Variants in PLA2G4C observed in about 807,000 individuals in gnomAD.
PLA2G4C encodes the protein phospholipase A2 group IVC.
Under a neutral mutation model 73.8 loss-of-function variants are expected in PLA2G4C, and 64 were observed. The ratio of observed to expected loss-of-function variants is 0.87; its 90% CI spans 0.71 to 1.07. PLA2G4C has a LOEUF of 1.07. Ranked by LOEUF, PLA2G4C falls within the 50% of genes least tolerant of loss-of-function variation. The pLI is 0.00. For synonymous variants in PLA2G4C, 254 were observed against 252.1 expected, an observed-to-expected ratio of 1.01 and a Z score of -0.07; for missense variants, 622 against 665.4, an observed-to-expected ratio of 0.93 and a Z score of 0.72.
chr19:48,086,290 G>A (rs2030972545), intron 9 of PLA2G4C, among the ~76,000 whole-genome samples: 1 of 152,110 alleles, frequency 6.6e-6, no homozygotes. Flanking sequence ...GGGTGGGAGG[G>A]GATCTGCCTC....
At position 48,080,138 on chromosome 19, in the gene PLA2G4C, G is replaced by A. The variant is rs555988896; in HGVS notation, c.845-2314C>T. The stretch of plus-strand genomic sequence containing the variant: ...AACTCAAAGAAATCAGCAAGAAAAC[G>A]AATAATCCCACCGAAAAGCATCCCA... On this transcript the variant is annotated intron_variant, in intron 10 of 16. Transcript: ENST00000599921. Among the ~76,000 whole-genome samples the A allele has an allele frequency of 7.6e-5, 10 of 131,556 alleles. No individual in the cohort carries two copies. The South Asian group carries it at 1.3e-3, about 17-fold the overall frequency. 86.3% of individuals were successfully genotyped at this position (131,556 alleles called of 152,430 possible).
chr19:48,061,888 C>T, intron 14 of PLA2G4C, 110 bp downstream of exon 14: 2 of 1,096,036 alleles, frequency 1.8e-6, no homozygotes, highest in Non-Finnish European at 2.7e-6. Context: ...TCCCAGCCAG[C>T]ACCTCCCCAT....
At chr19:48,063,610 C>A (rs921830759) in intron 13 of PLA2G4C, among the ~76,000 whole-genome samples, 2 of 141,638 alleles carry the variant, frequency 1.4e-5, no homozygotes, top group African/African-American at 5.3e-5. Context: ...TCCTACCCCC[C>A]CACAACACCA....
chr19:48,092,644 TCAGA>T (rs2031372408), intron 7 of PLA2G4C, among the ~76,000 whole-genome samples: 2 of 152,178 alleles, frequency 1.3e-5, no homozygotes, highest in Admixed American at 6.5e-5. Flanking sequence ...CTCAGTGAAA[TCAGA>T]CAGACACAAA....
intron 13 of PLA2G4C, among the ~76,000 whole-genome samples, chr19:48,063,373 C>T (rs1968272242): frequency 6.6e-6 from 1 of 152,236 alleles, no homozygotes; most frequent in South Asian, 2.1e-4. Context: ...GCCTTTCCAA[C>T]TGGAGGCAAT....
intron 7 of PLA2G4C, among the ~76,000 whole-genome samples, chr19:48,094,980 G>C (rs1275156382): frequency 6.6e-6 from 1 of 152,094 alleles, no homozygotes; most frequent in African/African-American, 2.4e-5. Context: ...GAACTCCCAT[G>C]CTGAAGTGAT....
chr19:48,098,691 C>G (rs2031735071), intron 5 of PLA2G4C, among the ~76,000 whole-genome samples: 1 of 92,550 alleles, frequency 1.1e-5, no homozygotes. Context: ...CCACCCCGAG[C>G]AAAAAAGCGA....
chr19:48,062,310 A>T, intron 13 of PLA2G4C, 158 bp from the exon 14 acceptor site: 1 of 594,348 alleles, frequency 1.7e-6, no homozygotes, highest in Non-Finnish European at 2.8e-6. Context: ...CTCTTCCCAG[A>T]TTCATATGTT....
chr19:48,083,366 TTTG>T (rs202131524), intron 10 of PLA2G4C, among the ~76,000 whole-genome samples: 2,820 of 150,888 alleles, frequency 0.019, 94 homozygotes, highest in African/African-American at 0.064. Flanking sequence ...CACAGAGAAT[TTTG>T]TTGTTGTTGT....
intron 10 of PLA2G4C, among the ~76,000 whole-genome samples, chr19:48,079,130 AGTGCTGGGATTACAGAC>A (rs1306845455): frequency 6.6e-6 from 1 of 152,140 alleles, no homozygotes; most frequent in African/African-American, 2.4e-5. Context: ...GGCCTCCCAA[AGTGCTGGGATTACAGAC>A]GTGAGCTACC....
At chr19:48,102,725 C>A (rs531923481) in intron 4 of PLA2G4C, among the ~76,000 whole-genome samples, 3 of 152,172 alleles carry the variant, frequency 2.0e-5, no homozygotes, top group East Asian at 3.8e-4. Flanking sequence ...TTTCTCCCAT[C>A]GTGCTCTCAT....
At chr19:48,082,059 C>T (rs2030608892) in intron 10 of PLA2G4C, among the ~76,000 whole-genome samples, 1 of 151,452 alleles carries the variant, frequency 6.6e-6, no homozygotes, top group Non-Finnish European at 1.5e-5. Flanking sequence ...CCAGCCTGGG[C>T]AACAGAGTGA....
At chr19:48,089,588 T>C (rs2031178995) in intron 8 of PLA2G4C, among the ~76,000 whole-genome samples, 1 of 152,208 alleles carries the variant, frequency 6.6e-6, no homozygotes, top group Non-Finnish European at 1.5e-5. Flanking sequence ...GTGTCAGGCT[T>C]GGCTCTAAGC....
chr19:48,093,204 C>T (rs949519403), intron 7 of PLA2G4C, among the ~76,000 whole-genome samples: 2 of 152,092 alleles, frequency 1.3e-5, no homozygotes, highest in Non-Finnish European at 2.9e-5. Context: ...ACCTTGTTCT[C>T]CTCCCCTGAG....
intron 13 of PLA2G4C, among the ~76,000 whole-genome samples, chr19:48,067,270 C>T (rs149577170): frequency 5.3e-5 from 8 of 151,366 alleles, no homozygotes; most frequent in South Asian, 2.1e-4. Context: ...TGGGTTCAAA[C>T]GATTCTCCTG....
chr19:48,099,881 G>A (rs1425299404), intron 4 of PLA2G4C, 21 bp from the exon 5 acceptor site: 5 of 1,570,136 alleles, frequency 3.2e-6, no homozygotes, highest in South Asian at 1.1e-5. Flanking sequence ...GAGGAAGAGA[G>A]TGAGTTGGGC....
intron 15 of PLA2G4C, among the ~76,000 whole-genome samples, chr19:48,054,567 A>G (rs1452004471): frequency 6.6e-6 from 1 of 151,174 alleles, no homozygotes; most frequent in Non-Finnish European, 1.5e-5. Flanking sequence ...CGCCCGCCTC[A>G]GCCTCCCAAA....
At chr19:48,055,849 G>T (rs956035306) in intron 14 of PLA2G4C, among the ~76,000 whole-genome samples, 23 of 151,820 alleles carry the variant, frequency 1.5e-4, no homozygotes, top group African/African-American at 4.8e-4. Flanking sequence ...GGTCAGGTTG[G>T]TGATCCTCAG....
At chr19:48,066,862 G>A (rs12979311) in intron 13 of PLA2G4C, among the ~76,000 whole-genome samples, 166 of 151,984 alleles carry the variant, frequency 1.1e-3, no homozygotes, top group African/African-American at 3.6e-3. Context: ...CCAGCTATTC[G>A]GGAGGCTGAA....
Sources: gnomAD v4.1 joint callset for allele counts (sites outside exome capture counted in the v4.1 genomes callset) on GRCh38, gnomAD v4.1.1 for gene constraint, MANE v1.5 for transcripts, NCBI Gene and HGNC (gene_info 2026-07-23, HGNC 2026-07-21) for gene names.